Variants in USH2A observed in about 807,000 individuals in gnomAD.
USH2A encodes the protein Usher syndrome 2A (autosomal recessive, mild).
In USH2A, 443 loss-of-function variants were observed where a neutral mutation model predicts 538.9. That is an observed-to-expected ratio of 0.82 (90% CI 0.76 to 0.89). The LOEUF (loss-of-function observed/expected upper bound fraction) is 0.89. Among genes scored for constraint, USH2A ranks in the 40% least tolerant of loss-of-function variants. The pLI is 0.00. For synonymous variants in USH2A, 2,413 were observed against 2,273.5 expected (o/e 1.06, Z -1.75); for missense variants, 6,633 against 6,324.8 (o/e 1.05, Z -1.65).
chr1:216,244,432 A>C (rs2035995324), intron 13 of USH2A, among the ~76,000 whole-genome samples: 1 of 152,144 alleles, frequency 6.6e-6, no homozygotes, highest in South Asian at 2.1e-4. Flanking sequence ...GACATAACGA[A>C]TTAAGTGCTT....
chr1:216,283,292 A>T (rs573529586), intron 11 of USH2A, among the ~76,000 whole-genome samples: 2 of 152,114 alleles, frequency 1.3e-5, no homozygotes, highest in Non-Finnish European at 2.9e-5. Flanking sequence ...GGGTTTCACC[A>T]TGTTAGCCAG....
chr1:216,077,161 T>C (rs2031780080), intron 27 of USH2A, among the ~76,000 whole-genome samples: 1 of 152,182 alleles, frequency 6.6e-6, no homozygotes, highest in Non-Finnish European at 1.5e-5. Context: ...TATTCTCATG[T>C]AAGCTCTCAG....
chr1:216,407,098 C>T (rs1229630657), intron 3 of USH2A, among the ~76,000 whole-genome samples: 1 of 151,862 alleles, frequency 6.6e-6, no homozygotes, highest in Admixed American at 6.6e-5. Flanking sequence ...TCCTTCTTTT[C>T]TTGCTCTCTT....
intron 32 of USH2A, among the ~76,000 whole-genome samples, chr1:216,045,029 C>T (rs1475544227): frequency 6.6e-6 from 1 of 152,146 alleles, no homozygotes; most frequent in Non-Finnish European, 1.5e-5. Context: ...TACATGTGCC[C>T]CCATGAAGCT....
chr1:215,988,186 T>A (rs1667917151), intron 35 of USH2A, among the ~76,000 whole-genome samples: 1 of 151,434 alleles, frequency 6.6e-6, no homozygotes, highest in Admixed American at 6.6e-5. Flanking sequence ...AACTCTCCAT[T>A]TCCCCCTTCC....
At chr1:216,103,936 C>G (rs2032657982) in intron 21 of USH2A, among the ~76,000 whole-genome samples, 1 of 152,178 alleles carries the variant, frequency 6.6e-6, no homozygotes, top group South Asian at 2.1e-4. Context: ...TGGAAACTCT[C>G]ATACATGCTA....
At chr1:216,051,403 C>A (rs1176876842) in intron 30 of USH2A, among the ~76,000 whole-genome samples, 1 of 152,236 alleles carries the variant, frequency 6.6e-6, no homozygotes, top group Non-Finnish European at 1.5e-5. Flanking sequence ...CTAAAGTTAT[C>A]ATCATAAAAT....
At chr1:215,817,918 C>A (rs535888626) in intron 47 of USH2A, among the ~76,000 whole-genome samples, 2 of 151,986 alleles carry the variant, frequency 1.3e-5, no homozygotes, top group South Asian at 2.1e-4. Context: ...GCAAGGCCAA[C>A]CTTTCCTCTT....
intron 64 of USH2A, among the ~76,000 whole-genome samples, chr1:215,656,763 A>T (rs990398168): frequency 6.6e-6 from 1 of 152,246 alleles, no homozygotes; most frequent in Non-Finnish European, 1.5e-5. Context: ...ACAATATTTG[A>T]TTAAAAAAAG....
At chr1:215,967,967 A>G (rs904278636) in intron 36 of USH2A, among the ~76,000 whole-genome samples, 4 of 152,186 alleles carry the variant, frequency 2.6e-5, no homozygotes, top group Non-Finnish European at 5.9e-5. Context: ...TCTCAATCTT[A>G]GACTCCACTA....
chr1:215,785,504 T>C (rs889140856), intron 52 of USH2A, among the ~76,000 whole-genome samples: 4 of 152,196 alleles, frequency 2.6e-5, no homozygotes, highest in African/African-American at 9.6e-5. Flanking sequence ...ATGATTGCTT[T>C]GTTGGTAACT....
chr1:216,111,720 G>T (rs1030208159), intron 21 of USH2A, among the ~76,000 whole-genome samples: 2 of 150,132 alleles, frequency 1.3e-5, no homozygotes, highest in African/African-American at 4.9e-5. Context: ...CTACAGTATG[G>T]AAAATCTAGT....
intron 46 of USH2A, among the ~76,000 whole-genome samples, chr1:215,840,112 G>A (rs532971481): frequency 2.3e-5 from 3 of 128,850 alleles, no homozygotes; most frequent in Admixed American, 9.4e-5. Context: ...GCAGTGAGCC[G>A]AGATCGTGCC....
chr1:215,748,914 A>G (rs1028122992), intron 58 of USH2A, among the ~76,000 whole-genome samples: 1 of 152,232 alleles, frequency 6.6e-6, no homozygotes, highest in Non-Finnish European at 1.5e-5. Context: ...AAAATGAAAT[A>G]AAGAACAAAA....
At chr1:215,749,169 G>A (rs1036884097) in intron 58 of USH2A, among the ~76,000 whole-genome samples, 41 of 152,222 alleles carry the variant, frequency 2.7e-4, no homozygotes, top group African/African-American at 9.4e-4. Context: ...ATTCATCTGA[G>A]GTTGTTTTAC....
chr1:216,239,655 G>A (rs1022418964), intron 13 of USH2A, among the ~76,000 whole-genome samples: 4 of 152,254 alleles, frequency 2.6e-5, no homozygotes, highest in African/African-American at 9.6e-5. Context: ...GTGATGGGAT[G>A]TTACTCAAGT....
intron 9 of USH2A, among the ~76,000 whole-genome samples, chr1:216,304,118 A>G (rs113417746): frequency 0.01 from 1,595 of 152,096 alleles, 26 homozygotes; most frequent in African/African-American, 0.037. Context: ...GAATTGTACC[A>G]TTTTATGTAC....
chr1:215,878,091 A>G (rs1257302307), intron 42 of USH2A, among the ~76,000 whole-genome samples: 1 of 152,156 alleles, frequency 6.6e-6, no homozygotes, highest in Non-Finnish European at 1.5e-5. Flanking sequence ...AGAATCAGTT[A>G]CATTCGCATT....
At chr1:216,137,288 G>A (rs1260628494) in intron 21 of USH2A, among the ~76,000 whole-genome samples, 1 of 151,988 alleles carries the variant, frequency 6.6e-6, no homozygotes, top group Non-Finnish European at 1.5e-5. Flanking sequence ...CCCAAAACTG[G>A]GAATAAAAAG....
Sources: allele counts gnomAD v4.1 joint callset (sites outside exome capture counted in the v4.1 genomes callset), GRCh38; gene constraint gnomAD v4.1.1; transcripts MANE v1.5; gene names NCBI Gene and HGNC (gene_info 2026-07-23, HGNC 2026-07-21).